Variants in GARIN2 observed in about 807,000 individuals in gnomAD.
GARIN2 encodes the protein Golgi-associated RAB2 interactor protein 2.
At chr14:67,215,608 A>T in the GARIN2 span, among the ~76,000 whole-genome samples, 11 of 152,330 alleles carry the variant, frequency 7.2e-5, no homozygotes, top group Admixed American at 5.9e-4. Context: ...ACGGGAATAT[A>T]AGATGCAGAA....
chr14:67,204,438 T>C, the GARIN2 span: 1 of 1,393,074 alleles, frequency 7.2e-7, no homozygotes, highest in South Asian at 1.9e-5. Flanking sequence ...TGAGAACTTG[T>C]CTCAAAACAA....
the GARIN2 span, among the ~76,000 whole-genome samples, chr14:67,196,073 C>T: frequency 6.6e-6 from 1 of 152,060 alleles, no homozygotes; most frequent in African/African-American, 2.4e-5. Flanking sequence ...GGAATTTTCC[C>T]ACACAATATC....
chr14:67,217,406 T>A, the GARIN2 span, among the ~76,000 whole-genome samples: 7 of 152,224 alleles, frequency 4.6e-5, no homozygotes. Flanking sequence ...TCTATTTACA[T>A]TTAAGGTTAT....
chr14:67,223,160 T>C, the GARIN2 span, among the ~76,000 whole-genome samples: 1 of 152,142 alleles, frequency 6.6e-6, no homozygotes, highest in Non-Finnish European at 1.5e-5. Flanking sequence ...CCACCATGCC[T>C]GGCTAATTTT....
chr14:67,207,670 C>T, the GARIN2 span, among the ~76,000 whole-genome samples: 3 of 151,914 alleles, frequency 2.0e-5, no homozygotes, highest in South Asian at 6.3e-4. Context: ...TGATTCTGAG[C>T]GAATCAGAGA....
At chr14:67,199,975 A>T in the GARIN2 span, 11 of 1,145,592 alleles carry the variant, frequency 9.6e-6, no homozygotes, top group Non-Finnish European at 1.4e-5. Flanking sequence ...CCATCCAGGG[A>T]TGTCTCAGAT....
the GARIN2 span, among the ~76,000 whole-genome samples, chr14:67,218,098 G>A: frequency 6.6e-6 from 1 of 152,172 alleles, no homozygotes; most frequent in Non-Finnish European, 1.5e-5. Context: ...CAGTGGTGCA[G>A]CTTTGCCAGG....
chr14:67,205,608 G>A, the GARIN2 span, among the ~76,000 whole-genome samples: 1 of 152,218 alleles, frequency 6.6e-6, no homozygotes, highest in South Asian at 2.1e-4. Context: ...AGGCCAGAGA[G>A]TGGAAAAACA....
the GARIN2 span, among the ~76,000 whole-genome samples, chr14:67,226,215 T>A: frequency 6.6e-6 from 1 of 152,118 alleles, no homozygotes; most frequent in Non-Finnish European, 1.5e-5. Flanking sequence ...TTTTTGAGAC[T>A]GAATCTTGCT....
chr14:67,192,070 TA>T, the GARIN2 span, among the ~76,000 whole-genome samples: 2 of 152,188 alleles, frequency 1.3e-5, no homozygotes, highest in Admixed American at 6.5e-5. Flanking sequence ...CCATCTCAAA[TA>T]AAACTCCATT....
chr14:67,193,575 C>A, the GARIN2 span, among the ~76,000 whole-genome samples: 8 of 139,040 alleles, frequency 5.8e-5, no homozygotes, highest in African/African-American at 1.6e-4. Context: ...CTATATAGAT[C>A]TATATATAGA....
At chr14:67,224,951 C>A in the GARIN2 span, 4 of 579,490 alleles carry the variant, frequency 6.9e-6, no homozygotes, top group East Asian at 3.4e-5. Flanking sequence ...AGAATAAATA[C>A]ATTTTTGATG....
At chr14:67,194,445 G>T in the GARIN2 span, among the ~76,000 whole-genome samples, 1 of 151,992 alleles carries the variant, frequency 6.6e-6, no homozygotes, top group African/African-American at 2.4e-5. Context: ...GGGCGTGTGT[G>T]TGTGTGTGCT....
the GARIN2 span, among the ~76,000 whole-genome samples, chr14:67,207,922 A>C: frequency 5.9e-5 from 9 of 152,216 alleles, no homozygotes; most frequent in African/African-American, 2.2e-4. Flanking sequence ...GAAGTACTGT[A>C]ATTAGATGCC....
the GARIN2 span, chr14:67,208,466 C>T: frequency 1.9e-6 from 3 of 1,605,224 alleles, no homozygotes; most frequent in African/African-American, 2.7e-5. Flanking sequence ...GAGGCAGGAA[C>T]ATGCCAAAGG....
the GARIN2 span, among the ~76,000 whole-genome samples, chr14:67,227,898 G>A: frequency 2.6e-5 from 4 of 152,188 alleles, no homozygotes; most frequent in East Asian, 3.9e-4. Context: ...GGCCGGGTGC[G>A]GTGGCTCACG....
the GARIN2 span, chr14:67,224,038 G>A: frequency 3.6e-5 from 34 of 944,182 alleles, no homozygotes; most frequent in Non-Finnish European, 4.3e-5. Flanking sequence ...AAGCTCATCT[G>A]ATTCACATTC....
the GARIN2 span, among the ~76,000 whole-genome samples, chr14:67,197,609 G>A: frequency 1.6e-4 from 25 of 152,256 alleles, no homozygotes; most frequent in East Asian, 1.5e-3. Context: ...CATAAGGAGC[G>A]CGCAACCAAG....
At chr14:67,225,179 C>A in the GARIN2 span, 1 of 1,575,328 alleles carries the variant, frequency 6.3e-7, no homozygotes, top group East Asian at 2.3e-5. Context: ...ATCTGTCTGC[C>A]CCTTTCTCAA....
Sources: gnomAD v4.1 joint callset for allele counts (sites outside exome capture counted in the v4.1 genomes callset) on GRCh38, gnomAD v4.1.1 for gene constraint, MANE v1.5 for transcripts, NCBI Gene and HGNC (gene_info 2026-07-23, HGNC 2026-07-21) for gene names.